Variants in CFAP299 observed in about 807,000 individuals in gnomAD.
CFAP299 encodes the protein cilia- and flagella-associated protein 299.
In CFAP299, 21 loss-of-function variants were observed where a neutral mutation model predicts 27.0. The ratio of observed to expected loss-of-function variants is 0.78; its 90% CI spans 0.55 to 1.12. The LOEUF is 1.12. Among genes scored for constraint, CFAP299 ranks in the 50% most tolerant of loss-of-function variants. The pLI is 0.00. For synonymous variants in CFAP299, 104 were observed against 98.1 expected (o/e 1.06, Z -0.36); for missense variants, 310 against 276.6 (o/e 1.12, Z -0.86).
rs181578975 is a variant in CFAP299, at chr4:80,749,717, A to C, written c.334-120276A>C. On this transcript the variant is annotated intron_variant, in intron 3 of 5. Coordinates refer to ENST00000358105, the MANE Select transcript of CFAP299 (RefSeq NM_152770.3). ...AGCATCCAGCACGGGAGAAAGATGA[A>C]GACCGGAAGACTCAGTGAGTCTACT... is the stretch of plus-strand genomic sequence containing the variant. Among the ~76,000 whole-genome samples the C allele has an allele frequency of 4.1e-3, 627 of 152,346 alleles. 1 individual carries two copies. Among genetic ancestry groups the C allele is most frequent in the African/African-American group, 0.014 (588 of 41,584 alleles).
At chr4:80,841,689 C>A (rs1560439121) in intron 3 of CFAP299, among the ~76,000 whole-genome samples, 3 of 152,018 alleles carry the variant, frequency 2.0e-5, no homozygotes, top group Admixed American at 6.6e-5. Flanking sequence ...GACAGTAACC[C>A]AGGCAAGTGG....
At chr4:80,404,029 G>T (rs1321314469) in intron 2 of CFAP299, among the ~76,000 whole-genome samples, 1 of 152,070 alleles carries the variant, frequency 6.6e-6, no homozygotes, top group Non-Finnish European at 1.5e-5. Context: ...CCTAGCCTAA[G>T]AAGTAAATGA....
intron 3 of CFAP299, among the ~76,000 whole-genome samples, chr4:80,734,942 G>A (rs1397574577): frequency 3.3e-5 from 5 of 152,064 alleles, no homozygotes; most frequent in African/African-American, 1.2e-4. Context: ...TGGGTTATTT[G>A]TGATTCCATA....
At chr4:80,481,441 C>A (rs1730563357) in intron 2 of CFAP299, among the ~76,000 whole-genome samples, 1 of 151,976 alleles carries the variant, frequency 6.6e-6, no homozygotes, top group Non-Finnish European at 1.5e-5. Context: ...CTCAGCTTAG[C>A]CAAAGGCATA....
chr4:80,440,247 C>A (rs1300075731), intron 2 of CFAP299, among the ~76,000 whole-genome samples: 5 of 152,188 alleles, frequency 3.3e-5, no homozygotes, highest in Non-Finnish European at 7.3e-5. Flanking sequence ...ACCCCCATGC[C>A]TCCTGACAGG....
chr4:80,437,711 C>T (rs1381590566), intron 2 of CFAP299, among the ~76,000 whole-genome samples: 2 of 152,216 alleles, frequency 1.3e-5, no homozygotes, highest in African/African-American at 4.8e-5. Flanking sequence ...GAACAAAAGA[C>T]AGTATCTCTG....
intron 2 of CFAP299, among the ~76,000 whole-genome samples, chr4:80,511,905 G>A (rs1578536248): frequency 6.6e-6 from 1 of 152,068 alleles, no homozygotes; most frequent in African/African-American, 2.4e-5. Flanking sequence ...TACACTAGGA[G>A]TAAGATTTCA....
At chr4:80,569,006 A>C (rs1735448692) in intron 2 of CFAP299, among the ~76,000 whole-genome samples, 2 of 152,096 alleles carry the variant, frequency 1.3e-5, no homozygotes, top group Admixed American at 1.3e-4. Flanking sequence ...TTCTCTACAC[A>C]TGACCACACT....
chr4:80,385,425 C>T (rs1292026533), intron 2 of CFAP299, among the ~76,000 whole-genome samples: 1 of 151,808 alleles, frequency 6.6e-6, no homozygotes, highest in Non-Finnish European at 1.5e-5. Flanking sequence ...ATGAATTACA[C>T]TACATATACT....
At chr4:80,536,802 G>A (rs1733759317) in intron 2 of CFAP299, among the ~76,000 whole-genome samples, 1 of 152,040 alleles carries the variant, frequency 6.6e-6, no homozygotes, top group Admixed American at 6.5e-5. Context: ...ATTGGTCTGG[G>A]CAATGAATTT....
At chr4:80,604,740 T>G (rs1002061851) in intron 3 of CFAP299, among the ~76,000 whole-genome samples, 4 of 152,160 alleles carry the variant, frequency 2.6e-5, no homozygotes, top group Non-Finnish European at 5.9e-5. Flanking sequence ...AGTGAGATGC[T>G]TACATTTCAA....
At chr4:80,913,110 C>G (rs924078035) in intron 4 of CFAP299, among the ~76,000 whole-genome samples, 5 of 152,030 alleles carry the variant, frequency 3.3e-5, no homozygotes, top group Admixed American at 6.6e-5. Flanking sequence ...ATTTTTCCTC[C>G]CTGCATCTAA....
chr4:80,377,434 CCTGT>C (rs1197612332), intron 2 of CFAP299, among the ~76,000 whole-genome samples: 2 of 151,724 alleles, frequency 1.3e-5, no homozygotes, highest in Non-Finnish European at 2.9e-5. Context: ...TGTATATGTA[CCTGT>C]CTATTTTTTG....
chr4:80,636,409 G>A (rs949567773), intron 3 of CFAP299, among the ~76,000 whole-genome samples: 3 of 151,980 alleles, frequency 2.0e-5, no homozygotes, highest in Non-Finnish European at 2.9e-5. Context: ...GTTTACAAAC[G>A]AGAATTTTTA....
chr4:80,933,234 TA>T (rs1736717880), intron 4 of CFAP299, among the ~76,000 whole-genome samples: 1 of 151,918 alleles, frequency 6.6e-6, no homozygotes, highest in African/African-American at 2.4e-5. Flanking sequence ...TTATTACTCA[TA>T]AGCCATCATA....
At chr4:80,568,278 A>G (rs1474650745) in intron 2 of CFAP299, among the ~76,000 whole-genome samples, 2 of 152,050 alleles carry the variant, frequency 1.3e-5, no homozygotes, top group Admixed American at 1.3e-4. Context: ...TCAAAATTTA[A>G]ACTTAGAATT....
chr4:80,722,881 A>C (rs970865302), intron 3 of CFAP299, among the ~76,000 whole-genome samples: 4 of 151,912 alleles, frequency 2.6e-5, no homozygotes, highest in Non-Finnish European at 5.9e-5. Flanking sequence ...AGCCTGGGTG[A>C]CAGCGAGATT....
chr4:80,586,523 G>A (rs1387289777), intron 3 of CFAP299, among the ~76,000 whole-genome samples: 1 of 152,040 alleles, frequency 6.6e-6, no homozygotes, highest in East Asian at 1.9e-4. Context: ...GATTTTTTTA[G>A]TGTTGTAGGA....
chr4:80,429,080 T>C (rs945947998), intron 2 of CFAP299, among the ~76,000 whole-genome samples: 1 of 152,212 alleles, frequency 6.6e-6, no homozygotes, highest in Non-Finnish European at 1.5e-5. Context: ...AGTACTGTTT[T>C]CTTGATGAGC....
Sources: gnomAD v4.1 joint callset for allele counts (sites outside exome capture counted in the v4.1 genomes callset) on GRCh38, gnomAD v4.1.1 for gene constraint, MANE v1.5 for transcripts, NCBI Gene and HGNC (gene_info 2026-07-23, HGNC 2026-07-21) for gene names.